CRTC1: variants seen among roughly 807,000 people sequenced by gnomAD.
CRTC1 encodes CREB regulated transcription coactivator 1.
A neutral mutation model predicts 66.1 loss-of-function variants in CRTC1; 18 were observed. The observed-to-expected ratio is 0.27, with a 90% CI of 0.19 to 0.40. The LOEUF is 0.40. CRTC1 is among the 10% of genes least tolerant of loss of function. The pLI, the probability that CRTC1 is intolerant of heterozygous loss-of-function variation, is 1.00. For missense variants in CRTC1, 669 were observed against 887.9 expected, an observed-to-expected ratio of 0.75 and a Z score of 3.13; for synonymous variants, 416 against 398.8, an observed-to-expected ratio of 1.04 and a Z score of -0.51.
chr19:18,759,933 C>CCCGCCAGCCCCCTGTCTCCG, intron 7 of CRTC1, 75 bp from the exon 8 acceptor site: 1 of 991,356 alleles, frequency 1.0e-6, no homozygotes. Flanking sequence ...CTGATTTTCT[C>CCCGCCAGCCCCCTGTCTCCG]CCGCCAGCCC....
chr19:18,765,854 G>A (rs1259573188), intron 9 of CRTC1, among the ~76,000 whole-genome samples: 1 of 152,046 alleles, frequency 6.6e-6, no homozygotes, highest in Non-Finnish European at 1.5e-5. Context: ...CCAGCTACTA[G>A]GGAGGCTAAG....
At position 18,741,889 on chromosome 19, in the gene CRTC1, G is replaced by A. The variant is rs1449154126; in HGVS notation, c.127-1021G>A. 6.6e-6 allele frequency among the ~76,000 whole-genome samples: 1 copy of A among 152,136 alleles called. No homozygotes were observed. Among genetic ancestry groups the A allele is most frequent in the Admixed American group, 6.5e-5 (1 of 15,286 alleles). ...TGTCCAGGGCCCCCTAGGAAGCTGGGGCGGTGGGGCAGCCAGCTCTCCACG... is the reference window on the plus strand; with the variant it reads ...TGTCCAGGGCCCCCTAGGAAGCTGGAGCGGTGGGGCAGCCAGCTCTCCACG... On this transcript the variant is annotated intron_variant, in intron 1 of 13. Coordinates refer to ENST00000321949, the MANE Select transcript of CRTC1 (RefSeq NM_015321.3). This position sits in a 1 kb window ranked among gnomAD's most constrained non-coding sequence, Gnocchi z 4.2.
At chr19:18,756,595 C>T (rs1395375814) in intron 6 of CRTC1, among the ~76,000 whole-genome samples, 2 of 147,326 alleles carry the variant, frequency 1.4e-5, no homozygotes, top group Non-Finnish European at 3.0e-5. Flanking sequence ...GCCTGGGCAA[C>T]AGAGCAAGAC....
chr19:18,753,634 A>G, intron 6 of CRTC1, 49 bp downstream of exon 6: 1 of 1,417,306 alleles, frequency 7.1e-7, no homozygotes, highest in African/African-American at 1.4e-5. Context: ...TTCTCTTCTC[A>G]AGCATCACCT....
chr19:18,745,150 G>A (rs368504896), intron 2 of CRTC1, among the ~76,000 whole-genome samples: 1 of 152,184 alleles, frequency 6.6e-6, no homozygotes, highest in South Asian at 2.1e-4. Flanking sequence ...CCTGGTGCCA[G>A]CCCCAGGTGC....
In CRTC1 at chr19:18,768,841, A is replaced by T; in HGVS notation, c.1320+48A>T. ...CGGGGCCTGACTGGGGGTCTTGTAG[A>T]GGACAGCCCGGGGGCTGCAGAACAG... On this transcript the variant is annotated intron_variant, in intron 10 of 13. Coordinates refer to ENST00000321949, the MANE Select transcript of CRTC1 (RefSeq NM_015321.3). The surrounding 1 kb of genome is among the most constrained non-coding windows in gnomAD (Gnocchi z 5.6). 1 of 1,544,524 alleles carries T rather than the reference A, an allele frequency of 6.5e-7. No homozygotes were observed. The highest frequency in any genetic ancestry group is 8.7e-7 in the Non-Finnish European group (1 of 1,146,158).
intron 8 of CRTC1, among the ~76,000 whole-genome samples, chr19:18,764,727 G>T (rs1228271120): frequency 1.3e-5 from 2 of 152,208 alleles, no homozygotes; most frequent in Non-Finnish European, 2.9e-5. Flanking sequence ...GCAGCTTGGG[G>T]AATGCACCAG....
chr19:18,744,122 G>T (rs771329642), intron 2 of CRTC1: 80 of 1,612,724 alleles, frequency 5.0e-5, no homozygotes, highest in Non-Finnish European at 6.1e-5. Flanking sequence ...GCGGATTTCT[G>T]GGGGAGGCCC....
At chr19:18,751,787 G>T (rs772580989) in intron 5 of CRTC1, among the ~76,000 whole-genome samples, 1 of 152,076 alleles carries the variant, frequency 6.6e-6, no homozygotes, top group Non-Finnish European at 1.5e-5. Flanking sequence ...TTGGTGCCGG[G>T]GGCTCAATAA....
intron 1 of CRTC1, among the ~76,000 whole-genome samples, chr19:18,729,728 A>C (rs1194520849): frequency 6.6e-6 from 1 of 152,148 alleles, no homozygotes; most frequent in Non-Finnish European, 1.5e-5. Flanking sequence ...GTGACACAGC[A>C]AGACCCCATC....
rs561663142 is a variant in CRTC1, at chr19:18,768,721, G to T, written c.1248G>T (p.Thr416=). 85 of 1,594,232 alleles carry T rather than the reference G, an allele frequency of 5.3e-5. 1 individual carries two copies. The South Asian group carries it at 8.2e-4, about 15-fold the overall frequency. The stretch of plus-strand genomic sequence containing the variant: ...CACAGCCGCCCCCGCTTGCAGTCAC[G>T]GTACCGTCCTCTCTCCCCCAGTCCC... ...RGPQPPPLAV[T]VPSSLPQSPP... Residue 416 remains threonine, a synonymous_variant, in exon 10 of 14, where the codon ACG becomes ACT. Transcript: ENST00000321949. This position sits in a 1 kb window ranked among gnomAD's most constrained non-coding sequence, Gnocchi z 5.6.
At chr19:18,757,910 C>T (rs963622866) in intron 6 of CRTC1, among the ~76,000 whole-genome samples, 7 of 148,952 alleles carry the variant, frequency 4.7e-5, no homozygotes, top group African/African-American at 1.5e-4. Flanking sequence ...CCCAGCTACT[C>T]GGGAGGCTGA....
At chr19:18,716,831 ACAGAAGAGGCGAGAGGG>A (rs2053518933) in intron 1 of CRTC1, among the ~76,000 whole-genome samples, 1 of 152,026 alleles carries the variant, frequency 6.6e-6, no homozygotes, top group Non-Finnish European at 1.5e-5. Flanking sequence ...CAGAATGAGG[ACAGAAGAGGCGAGAGGG>A]CAGAAGAGGT....
chr19:18,710,582 CTG>C lies in CRTC1; in HGVS notation c.126+26756_126+26757del, dbSNP rs771744809. Among the ~76,000 whole-genome samples, 33 of 152,242 alleles carry C rather than the reference CTG, an allele frequency of 2.2e-4. No individual in the cohort carries two copies. The East Asian group carries it at 5.0e-3, about 23-fold the overall frequency. ...GGGTCACACTCTCAGGCACCCTTGA[CTG>C]TTTATTTTTTACATTTATTTTTTAT... is the stretch of plus-strand genomic sequence containing the variant. On this transcript the variant is annotated intron_variant, in intron 1 of 13. Transcript: ENST00000321949.
intron 1 of CRTC1, among the ~76,000 whole-genome samples, chr19:18,717,793 G>T (rs907780207): frequency 6.6e-6 from 1 of 152,098 alleles, no homozygotes; most frequent in Non-Finnish European, 1.5e-5. Context: ...TCTCATGCCA[G>T]CCCTGGTCAA....
intron 9 of CRTC1, among the ~76,000 whole-genome samples, chr19:18,767,387 CAG>C (rs1308274819): frequency 6.6e-6 from 1 of 151,924 alleles, no homozygotes; most frequent in Non-Finnish European, 1.5e-5. Flanking sequence ...TTAGTAGAGA[CAG>C]AGTTTCGTCT....
In CRTC1 at chr19:18,760,092, C is replaced by G; in HGVS notation, c.750C>G (p.Thr250=). 6.2e-7 allele frequency: 1 copy of G among 1,613,908 alleles called. No individual in the cohort carries two copies. The change falls in exon 8 of 14, where the codon ACC becomes ACG. Residue 250 remains threonine, a synonymous_variant. Transcript: ENST00000321949. The surrounding 1 kb of genome is among the most constrained non-coding windows in gnomAD (Gnocchi z 6.2). ...CAGGGGGGTCCCTGCCCGACCTGAC[C>G]AACATCCACTTCCCCTCCCCGCTCC... is the stretch of plus-strand genomic sequence containing the variant. The part of the protein sequence containing the change: ...HNTGGSLPDL[T]NIHFPSPLPT...
chr19:18,691,917 T>C (rs2052849734), intron 1 of CRTC1, among the ~76,000 whole-genome samples: 1 of 152,074 alleles, frequency 6.6e-6, no homozygotes, highest in South Asian at 2.1e-4. Context: ...TTCATCCTAT[T>C]GGCCAGGCCG....
At chr19:18,722,360 G>T (rs2053649582) in intron 1 of CRTC1, among the ~76,000 whole-genome samples, 1 of 152,214 alleles carries the variant, frequency 6.6e-6, no homozygotes, top group Admixed American at 6.5e-5. Flanking sequence ...ATGCGCCCAT[G>T]TCCTAAGTCC....
Sources: gnomAD v4.1 joint callset for allele counts (sites outside exome capture counted in the v4.1 genomes callset) on GRCh38, gnomAD v4.1.1 for gene constraint, Gnocchi (gnomAD v3.1) non-coding constraint, MANE v1.5 for transcripts, NCBI Gene and HGNC (gene_info 2026-07-23, HGNC 2026-07-21) for gene names.